The following BDP1 variants were observed in gnomAD, a reference collection of about 807,000 sequenced individuals.
BDP1 encodes transcription factor TFIIIB component B'' homolog.
In BDP1, 169 loss-of-function variants were observed where a neutral mutation model predicts 266.6. The observed-to-expected ratio is 0.63, with a 90% CI of 0.56 to 0.72. BDP1 has a LOEUF of 0.72. Among genes scored for constraint, BDP1 ranks in the 30% least tolerant of loss-of-function variants. The pLI is 0.00. For missense variants in BDP1, 3,015 were observed against 3,053.8 expected (o/e 0.99, Z 0.30); for synonymous variants, 1,090 against 1,022.4 (o/e 1.07, Z -1.26).
At chr5:71,518,886 C>T (rs1176341957) in intron 22 of BDP1, among the ~76,000 whole-genome samples, 4 of 132,934 alleles carry the variant, frequency 3.0e-5, no homozygotes, top group Non-Finnish European at 4.6e-5. Context: ...GTGGCTTGAT[C>T]GTGGCTCATT....
Position 71,541,510 on chromosome 5 carries a change from AG to A in BDP1, c.6080del (p.Ser2027ThrfsTer2). On this transcript the variant is annotated frameshift_variant, in exon 29 of 39. Transcript: ENST00000358731. LOFTEE classifies it high-confidence loss of function. ...HSKDKSHIPS[S>X]LDNVNHKIVH... ...AAAGGATAAAAGCCATATTCCTTCT[AG>A]CCTAGATAATGTAAATCACAAAATT... 2 of 1,608,408 alleles carry A rather than the reference AG, an allele frequency of 1.2e-6. No individual in the cohort carries two copies. The highest frequency in any genetic ancestry group is 2.2e-5 in the East Asian group (1 of 44,660).
At chr5:71,483,545 T>A (rs754156008) in intron 7 of BDP1, among the ~76,000 whole-genome samples, 29 of 152,252 alleles carry the variant, frequency 1.9e-4, no homozygotes, top group Non-Finnish European at 3.8e-4. Context: ...CCAGTGAGCT[T>A]AGTCATAGGT....
In BDP1 at chr5:71,522,468, C is replaced by T. The variant is rs780860075; in HGVS notation, c.5171C>T (p.Ser1724Phe). 6.8e-6 allele frequency: 11 copies of T among 1,610,122 alleles called. No homozygotes were observed. The highest frequency in any genetic ancestry group is 9.3e-6 in the Non-Finnish European group (11 of 1,178,718). ...GATCATTTGCTGCAGAAAGGAGCTTCCAACACCCAGCTCCTTCTAAAAGTA... is the reference window on the plus strand; with the variant it reads ...GATCATTTGCTGCAGAAAGGAGCTTTCAACACCCAGCTCCTTCTAAAAGTA... ...PEDHLLQKGA[S>F]NTQLLLKEKA... The change falls in exon 23 of 39, where the codon TCC becomes TTC. Residue 1724 changes from serine (S) to phenylalanine (F), a missense_variant. Physicochemically the swap from Ser to Phe is radical, Grantham distance 155. Coordinates refer to ENST00000358731, the MANE Select transcript of BDP1 (RefSeq NM_018429.3).
intron 26 of BDP1, among the ~76,000 whole-genome samples, chr5:71,538,408 G>A (rs542599432): frequency 3.9e-4 from 60 of 152,258 alleles, no homozygotes; most frequent in African/African-American, 1.3e-3. Context: ...CTGGGAGGAA[G>A]GAGAGAGAAA....
chr5:71,565,029 G>C lies in BDP1; in HGVS notation c.*144G>C. The C allele has an allele frequency of 1.3e-6, 1 of 741,930 alleles. No homozygotes were observed. The highest frequency in any genetic ancestry group is 2.1e-6 in the Non-Finnish European group (1 of 473,626). The allele number at this position is 741,930 out of a possible 1,614,324, so 46.0% of individuals were successfully genotyped here. On this transcript the variant is annotated 3_prime_UTR_variant, in exon 39 of 39. Coordinates refer to ENST00000358731, the MANE Select transcript of BDP1 (RefSeq NM_018429.3). ...GAATACTTAATGAGCTTGATTTGAA[G>C]CTTTTATAATCAGTGGAAAACATTT...
chr5:71,545,128 GT>G lies in BDP1; in HGVS notation c.6656del (p.Leu2219TrpfsTer15). On this transcript the variant is annotated frameshift_variant, in exon 32 of 39. Transcript: ENST00000358731. LOFTEE classifies it high-confidence loss of function. ...TCTGAGACAGGGCCCTGCACACTTG[GT>G]TTGGATAGGGGTCTTGGTGAAAATT... ...ASSETGPCTLGLDRGLGENSV... is the reference protein window; with the variant it reads ...ASSETGPCTLXLDRGLGENSV... 2 of 1,613,848 alleles carry G rather than the reference GT, an allele frequency of 1.2e-6. No individual in the cohort carries two copies. The highest frequency in any genetic ancestry group is 1.7e-6 in the Non-Finnish European group (2 of 1,179,932).
chr5:71,472,645 G>A (rs1762319361), intron 7 of BDP1, among the ~76,000 whole-genome samples: 1 of 151,928 alleles, frequency 6.6e-6, no homozygotes, highest in Non-Finnish European at 1.5e-5. Context: ...ATACTGATTT[G>A]TAATTTTCTT....
chr5:71,562,681 G>A, intron 38 of BDP1, 161 bp downstream of exon 38: 1 of 1,488,902 alleles, frequency 6.7e-7, no homozygotes. Flanking sequence ...AATGGAAGAA[G>A]AAAAGGTGTT....
chr5:71,535,072 T>G (rs1035202422), intron 26 of BDP1, among the ~76,000 whole-genome samples: 12 of 152,244 alleles, frequency 7.9e-5, no homozygotes, highest in Non-Finnish European at 1.6e-4. Context: ...ATTTGTCAAA[T>G]CATGTCATCT....
In BDP1 at chr5:71,458,910, A is replaced by G. The variant is rs1761367247; in HGVS notation, c.489+55A>G. On this transcript the variant is annotated intron_variant, in intron 2 of 38. Transcript: ENST00000358731. ...TGCCTTCTATTTATGTTAGTAAGGA[A>G]TCATTGGGAAGAAAAGCATTTGTAG... 11 of 1,519,198 alleles carry G rather than the reference A, an allele frequency of 7.2e-6. No individual in the cohort carries two copies. In the Admixed American group the frequency reaches 1.8e-4, roughly 25 times the overall value. The allele number at this position is 1,519,198 out of a possible 1,614,324, so 94.1% of individuals were successfully genotyped here. A position where few individuals can be genotyped will look rare whatever the true frequency, so the allele number is the denominator to read the frequency against.
intron 34 of BDP1, among the ~76,000 whole-genome samples, chr5:71,552,235 G>A (rs887483427): frequency 2.6e-5 from 4 of 151,472 alleles, no homozygotes; most frequent in African/African-American, 9.7e-5. Context: ...CGGCGGGGCA[G>A]AGGCGCCCCC....
chr5:71,526,948 A>G (rs1765925608), intron 25 of BDP1, among the ~76,000 whole-genome samples: 2 of 152,108 alleles, frequency 1.3e-5, no homozygotes, highest in Non-Finnish European at 2.9e-5. Context: ...GGCCTCCCAA[A>G]GTGCTGGGAT....
At chr5:71,497,163 A>G in intron 12 of BDP1, 107 bp from the exon 13 acceptor site, 1 of 947,982 alleles carries the variant, frequency 1.1e-6, no homozygotes. Flanking sequence ...CTCTTGTTCT[A>G]AGTAAGCTCT....
At chr5:71,559,868 T>C in intron 36 of BDP1, 114 bp from the exon 37 acceptor site, 3 of 1,042,888 alleles carry the variant, frequency 2.9e-6, no homozygotes, top group South Asian at 3.2e-5. Flanking sequence ...TTTAGCTTAC[T>C]CTTATTAGGG....
chr5:71,507,963 GT>G (rs954959296), intron 16 of BDP1, among the ~76,000 whole-genome samples: 4 of 152,140 alleles, frequency 2.6e-5, no homozygotes, highest in African/African-American at 9.7e-5. Context: ...TACTTTTGTT[GT>G]TTTGTTTTTG....
intron 26 of BDP1, 131 bp downstream of exon 26, chr5:71,532,558 G>T: frequency 1.2e-6 from 1 of 805,040 alleles, no homozygotes; most frequent in Admixed American, 3.4e-5. Flanking sequence ...GGAGCTGTTA[G>T]TCTGAGTAGT....
In BDP1 at chr5:71,532,349, T is replaced by C. The variant is rs1453081694; in HGVS notation, c.5814T>C (p.Ala1938=). The stretch of plus-strand genomic sequence containing the variant: ...ATGTCCCAGATGTAGGATGCATAGC[T>C]GTTGTTGAACATGAGCTACCAAACA... The part of the protein sequence containing the change: ...TVNVPDVGCI[A]VVEHELPNTD... The change falls in exon 26 of 39, where the codon GCT becomes GCC. Residue 1938 remains alanine, a synonymous_variant. Transcript: ENST00000358731. 1 of 1,613,606 alleles carries C rather than the reference T, an allele frequency of 6.2e-7. No homozygotes were observed. Among genetic ancestry groups the C allele is most frequent in the African/African-American group, 1.3e-5 (1 of 75,046 alleles).
intron 21 of BDP1, among the ~76,000 whole-genome samples, 181 bp from the exon 22 acceptor site, chr5:71,517,141 C>T (rs1025600531): frequency 6.6e-6 from 1 of 152,094 alleles, no homozygotes; most frequent in Non-Finnish European, 1.5e-5. Context: ...GAAGGAGGAT[C>T]GTTTGAGCCT....
At chr5:71,535,866 G>A (rs1766567982) in intron 26 of BDP1, among the ~76,000 whole-genome samples, 2 of 152,044 alleles carry the variant, frequency 1.3e-5, no homozygotes, top group Admixed American at 6.6e-5. Context: ...AGTCATATTG[G>A]ATTAGCACCA....
Sources: allele counts gnomAD v4.1 joint callset (sites outside exome capture counted in the v4.1 genomes callset), GRCh38; gene constraint gnomAD v4.1.1; transcripts MANE v1.5; gene names NCBI Gene and HGNC (gene_info 2026-07-23, HGNC 2026-07-21).